The following FHIT variants were observed in gnomAD, a reference collection of about 807,000 sequenced individuals.
FHIT encodes the protein fragile histidine triad diadenosine triphosphatase.
Under a neutral mutation model 17.9 loss-of-function variants are expected in FHIT, and 19 were observed. The observed-to-expected ratio is 1.06, with a 90% CI of 0.74 to 1.56. The LOEUF (loss-of-function observed/expected upper bound fraction) is 1.56. Among genes scored for constraint, FHIT ranks in the 40% most tolerant of loss-of-function variants. The pLI is 0.00. For synonymous variants in FHIT, 81 were observed against 69.7 expected (o/e 1.16, Z -0.81); for missense variants, 248 against 189.2 (o/e 1.31, Z -1.82).
At chr3:60,810,735 ATAT>A (rs10534410) in intron 4 of FHIT, among the ~76,000 whole-genome samples, 14,549 of 152,098 alleles carry the variant, frequency 0.096, 826 homozygotes, top group African/African-American at 0.15. Flanking sequence ...CAAAATATAG[ATAT>A]TTAAAGTTCT....
intron 4 of FHIT, among the ~76,000 whole-genome samples, chr3:60,744,442 C>A (rs978946567): frequency 1.3e-5 from 2 of 150,714 alleles, no homozygotes; most frequent in African/African-American, 4.9e-5. Context: ...TTATACACAA[C>A]TTGCTAAGTG....
rs527898907 is a variant in FHIT at position 60,211,405 on chromosome 3, T to C, written c.104-197253A>G. ...TATAGAAGTTATACTACTTTGAACA[T>C]ACTGGTTTTATAGATTGATTCTGAA... is the stretch of plus-strand genomic sequence containing the variant. On this transcript the variant is annotated intron_variant, in intron 5 of 9. Coordinates refer to ENST00000492590, the MANE Select transcript of FHIT (RefSeq NM_002012.4). 1.2e-4 allele frequency among the ~76,000 whole-genome samples: 18 copies of C among 152,184 alleles called. No individual in the cohort carries two copies. The South Asian group carries it at 3.7e-3, about 32-fold the overall frequency.
chr3:59,958,900 T>A (rs778487654), intron 7 of FHIT, among the ~76,000 whole-genome samples: 3 of 152,204 alleles, frequency 2.0e-5, no homozygotes, highest in African/African-American at 7.2e-5. Flanking sequence ...GTATCAGGAT[T>A]CAAAGCAGCA....
intron 3 of FHIT, among the ~76,000 whole-genome samples, chr3:60,843,217 G>A (rs1702799630): frequency 6.6e-6 from 1 of 152,148 alleles, no homozygotes; most frequent in African/African-American, 2.4e-5. Flanking sequence ...AATTCTTTCT[G>A]ACTTTGGGGC....
At chr3:60,099,966 G>A (rs1049324772) in intron 5 of FHIT, among the ~76,000 whole-genome samples, 1 of 152,122 alleles carries the variant, frequency 6.6e-6, no homozygotes, top group Admixed American at 6.5e-5. Flanking sequence ...AAATGGTTGT[G>A]GTGTGTGTTG....
chr3:61,134,152 G>C (rs2036846762), intron 2 of FHIT, among the ~76,000 whole-genome samples: 2 of 123,678 alleles, frequency 1.6e-5, no homozygotes, highest in South Asian at 5.7e-4. Context: ...GGGAGGTAGA[G>C]CTCAAGAAAG....
chr3:60,322,967 AG>A (rs1413697870), intron 5 of FHIT, among the ~76,000 whole-genome samples: 2 of 152,246 alleles, frequency 1.3e-5, no homozygotes, highest in Non-Finnish European at 2.9e-5. Context: ...AGGACTGTAT[AG>A]AAGACTGGCA....
At chr3:61,143,410 T>C (rs1201925710) in intron 2 of FHIT, among the ~76,000 whole-genome samples, 3 of 152,220 alleles carry the variant, frequency 2.0e-5, no homozygotes, top group Non-Finnish European at 4.4e-5. Flanking sequence ...TGTTACGTGA[T>C]TGTTTTTGAG....
At chr3:60,636,650 C>T (rs1473339516) in intron 4 of FHIT, among the ~76,000 whole-genome samples, 1 of 152,126 alleles carries the variant, frequency 6.6e-6, no homozygotes, top group Non-Finnish European at 1.5e-5. Flanking sequence ...CAGGCATCAC[C>T]AGAAGTGAGA....
At chr3:59,981,606 T>C (rs1268981141) in intron 7 of FHIT, among the ~76,000 whole-genome samples, 1 of 152,144 alleles carries the variant, frequency 6.6e-6, no homozygotes, top group Non-Finnish European at 1.5e-5. Flanking sequence ...CCAGCCCACA[T>C]TTCCTCAGCC....
chr3:60,424,753 A>G (rs1702602232), intron 5 of FHIT, among the ~76,000 whole-genome samples: 4 of 152,172 alleles, frequency 2.6e-5, no homozygotes, highest in African/African-American at 9.6e-5. Context: ...AACATAGAAG[A>G]GCAACTTTTA....
chr3:60,393,924 A>G (rs1037356427), intron 5 of FHIT, among the ~76,000 whole-genome samples: 3 of 152,154 alleles, frequency 2.0e-5, no homozygotes, highest in Non-Finnish European at 4.4e-5. Context: ...TAATAACTGC[A>G]AGAGAGTTCT....
intron 5 of FHIT, among the ~76,000 whole-genome samples, chr3:60,155,565 T>C (rs1402634732): frequency 1.3e-5 from 2 of 152,160 alleles, no homozygotes; most frequent in African/African-American, 4.8e-5. Flanking sequence ...GGGTGGTCAA[T>C]TGCAACTCTT....
Position 61,181,099 on chromosome 3 carries a change from G to A in FHIT, c.-164+19518C>T, listed in dbSNP as rs111383314. 4.6e-3 allele frequency among the ~76,000 whole-genome samples: 703 copies of A among 152,162 alleles called. 6 individuals carry two copies. Among genetic ancestry groups the A allele is most frequent in the African/African-American group, 0.016 (667 of 41,530 alleles). On this transcript the variant is annotated intron_variant, in intron 2 of 9. Transcript: ENST00000492590. ...TAATGAAGTTAAAGTAATATTCTTA[G>A]CTTGACAAATCACATATTGGGGACA...
chr3:61,249,048 A>G (rs1018667226), intron 1 of FHIT, among the ~76,000 whole-genome samples: 3 of 152,222 alleles, frequency 2.0e-5, no homozygotes, highest in African/African-American at 4.8e-5. Context: ...TGAATTCATG[A>G]AGTATTACAA....
chr3:60,734,609 C>T (rs112088476), intron 4 of FHIT, among the ~76,000 whole-genome samples: 4 of 152,232 alleles, frequency 2.6e-5, no homozygotes, highest in Admixed American at 6.5e-5. Context: ...AAGCAATCCA[C>T]TCATCTTGGC....
chr3:59,886,724 G>C (rs1484999956), intron 8 of FHIT, among the ~76,000 whole-genome samples: 1 of 152,140 alleles, frequency 6.6e-6, no homozygotes, highest in African/African-American at 2.4e-5. Flanking sequence ...CTTCCCATGA[G>C]GCCCCACTTC....
Position 59,790,843 on chromosome 3 carries a change from A to T in FHIT, c.349-38522T>A, listed in dbSNP as rs2106927366. 1.3e-5 allele frequency among the ~76,000 whole-genome samples: 2 copies of T among 152,290 alleles called. 1 individual carries two copies. The highest frequency in any genetic ancestry group is 4.1e-4 in the South Asian group (2 of 4,822). The stretch of plus-strand genomic sequence containing the variant: ...ACATAGTCCCTGCTATATGGTTGGT[A>T]GGTGCTAAGTAAACTTTTTTTTAAT... On this transcript the variant is annotated intron_variant, in intron 8 of 9. Coordinates refer to ENST00000492590, the MANE Select transcript of FHIT (RefSeq NM_002012.4).
At chr3:61,226,602 A>G (rs1031994747) in intron 1 of FHIT, among the ~76,000 whole-genome samples, 5 of 152,066 alleles carry the variant, frequency 3.3e-5, no homozygotes, top group South Asian at 2.1e-4. Context: ...GGTCAAATAC[A>G]TGGTCACTTT....
Sources: allele counts gnomAD v4.1 joint callset (sites outside exome capture counted in the v4.1 genomes callset), GRCh38; gene constraint gnomAD v4.1.1; transcripts MANE v1.5; gene names NCBI Gene and HGNC (gene_info 2026-07-23, HGNC 2026-07-21).